The following ERAP2 variants were observed in gnomAD, a reference collection of about 807,000 sequenced individuals.
ERAP2 encodes leukocyte-derived arginine aminopeptidase.
In ERAP2, 118 loss-of-function variants were observed where a neutral mutation model predicts 111.1. The ratio of observed to expected loss-of-function variants is 1.06; its 90% CI spans 0.92 to 1.24. The LOEUF is 1.24. Ranked by LOEUF, ERAP2 falls within the 50% of genes most tolerant of loss-of-function variation. The probability of loss-of-function intolerance (pLI) is 0.00; values close to 1 mark genes in which losing one functional copy is unlikely to be tolerated. For missense variants in ERAP2, 1,131 were observed against 1,125.8 expected, an observed-to-expected ratio of 1.00 and a Z score of -0.07; for synonymous variants, 410 against 401.2, an observed-to-expected ratio of 1.02 and a Z score of -0.26.
chr5:96,901,354 C>T, intron 10 of ERAP2, 152 bp from the exon 11 acceptor site: 1 of 778,050 alleles, frequency 1.3e-6, no homozygotes, highest in East Asian at 2.5e-5. Context: ...ATCCCTAATC[C>T]AGTTGCCTGG....
At chr5:96,904,307 G>A (rs189526349) in intron 13 of ERAP2, among the ~76,000 whole-genome samples, 4 of 152,308 alleles carry the variant, frequency 2.6e-5, no homozygotes, top group Admixed American at 2.6e-4. Flanking sequence ...TGAGGACCAG[G>A]AAGTATATTG....
At chr5:96,907,688 C>A (rs1340455797) in intron 13 of ERAP2, among the ~76,000 whole-genome samples, 1 of 151,912 alleles carries the variant, frequency 6.6e-6, no homozygotes, top group African/African-American at 2.4e-5. Context: ...TCAAGACCAG[C>A]CTGGCCAACA....
chr5:96,881,388 A>G (rs1182725917), intron 2 of ERAP2: 4 of 455,546 alleles, frequency 8.8e-6, no homozygotes, highest in South Asian at 3.1e-5. Flanking sequence ...GATTGCTGAC[A>G]TATTGGTCAT....
chr5:96,915,089 C>A (rs1787223093), intron 17 of ERAP2, among the ~76,000 whole-genome samples: 1 of 151,980 alleles, frequency 6.6e-6, no homozygotes, highest in Admixed American at 6.6e-5. Flanking sequence ...CTCACTGCAA[C>A]CTCCACCTCC....
At chr5:96,897,758 C>T (rs545112370) in intron 9 of ERAP2, among the ~76,000 whole-genome samples, 3 of 152,198 alleles carry the variant, frequency 2.0e-5, no homozygotes, top group Admixed American at 2.0e-4. Flanking sequence ...TTTTATAGAA[C>T]CATTAGACCC....
chr5:96,889,710 G>A (rs1439203196), intron 5 of ERAP2, among the ~76,000 whole-genome samples: 1 of 152,056 alleles, frequency 6.6e-6, no homozygotes, highest in Non-Finnish European at 1.5e-5. Flanking sequence ...CCCTGTGGCG[G>A]ACATCAACGC....
rs1282733265 is a variant in ERAP2 at position 96,912,677 on chromosome 5, G to T, written c.2395G>T (p.Ala799Ser). Reference sequence around the variant, plus strand: ...TTTAAAGATTGTGTATTCTGTGGGTGCTCAGACAACAGCAGGATGGAATTA... The same window carrying T: ...TTTAAAGATTGTGTATTCTGTGGGTTCTCAGACAACAGCAGGATGGAATTA... ...DVLKIVYSVG[A>S]QTTAGWNYLL... Residue 799 changes from alanine (A) to serine (S), a missense_variant, in exon 16 of 19, where the codon GCT becomes TCT. Physicochemically the swap from Ala to Ser is moderately conservative, Grantham distance 99. Around this residue, in one of 3 missense-constraint regions of ERAP2, gnomAD observed 279 missense variants for 250.9 expected, o/e 1.11. Transcript: ENST00000437043. 20 of 1,610,582 alleles carry T rather than the reference G, an allele frequency of 1.2e-5. No homozygotes were observed. The highest frequency in any genetic ancestry group is 1.7e-5 in the Non-Finnish European group (20 of 1,178,870).
At chr5:96,878,660 A>G (rs1007290044) in intron 1 of ERAP2, among the ~76,000 whole-genome samples, 2 of 152,042 alleles carry the variant, frequency 1.3e-5, no homozygotes, top group African/African-American at 4.8e-5. Flanking sequence ...AGGCGCAGTG[A>G]CCCACGCCTG....
Position 96,918,445 on chromosome 5 carries a change from G to C in ERAP2, c.*840G>C, listed in dbSNP as rs1787680665. ...CAGATTATTAGAAACTAGGTGTCAGGGTTTATCAAGAAGGCCAGGAAGGCC... is the reference window on the plus strand; with the variant it reads ...CAGATTATTAGAAACTAGGTGTCAGCGTTTATCAAGAAGGCCAGGAAGGCC... On this transcript the variant is annotated 3_prime_UTR_variant, in exon 19 of 19. Transcript: ENST00000437043. The C allele has an allele frequency of 6.6e-6, 1 of 152,154 alleles. No homozygotes were observed. Among genetic ancestry groups the C allele is most frequent in the African/African-American group, 2.4e-5 (1 of 41,430 alleles). The allele number at this position is 152,154 out of a possible 1,614,324, so 9.4% of individuals were successfully genotyped here.
intron 1 of ERAP2, among the ~76,000 whole-genome samples, chr5:96,878,764 C>T (rs554671280): frequency 2.0e-5 from 3 of 152,158 alleles, no homozygotes; most frequent in Admixed American, 2.0e-4. Context: ...CCCGTCTCTA[C>T]TAAAAATACA....
chr5:96,903,341 G>T, intron 12 of ERAP2, 36 bp from the exon 13 acceptor site: 2 of 1,518,496 alleles, frequency 1.3e-6, no homozygotes, highest in South Asian at 2.5e-5. Context: ...TAAGTTTGTT[G>T]ATAATAAAAT....
Position 96,889,161 on chromosome 5 carries a change from CCTCT to C in ERAP2, c.850-23_850-20del. 1.2e-6 allele frequency: 2 copies of C among 1,612,264 alleles called. No homozygotes were observed. The highest frequency in any genetic ancestry group is 1.7e-6 in the Non-Finnish European group (2 of 1,178,492). ...ATGCCAGGGAGCTGTCATTCAAAAA[CCTCT>C]TCTGATCCACATTTCCCAGGTGTCC... On this transcript the variant is annotated intron_variant, in intron 4 of 18. Coordinates refer to ENST00000437043, the MANE Select transcript of ERAP2 (RefSeq NM_022350.5).
At chr5:96,888,661 C>T (rs1784010991) in intron 4 of ERAP2, among the ~76,000 whole-genome samples, 1 of 152,170 alleles carries the variant, frequency 6.6e-6, no homozygotes. Flanking sequence ...GAATCTAATT[C>T]TATTTTTTCT....
chr5:96,878,338 A>G (rs963677665), intron 1 of ERAP2, among the ~76,000 whole-genome samples: 1 of 152,210 alleles, frequency 6.6e-6, no homozygotes, highest in Non-Finnish European at 1.5e-5. Context: ...CCTTTACACC[A>G]GTAGCCATAA....
chr5:96,905,854 T>C (rs1786014031), intron 13 of ERAP2, among the ~76,000 whole-genome samples: 1 of 151,988 alleles, frequency 6.6e-6, no homozygotes, highest in South Asian at 2.1e-4. Flanking sequence ...CGAATAATAC[T>C]CTGTCTCAAA....
rs13167902 is a variant in ERAP2 at position 96,886,316 on chromosome 5, A to G, written c.715-339A>G. ...ATTATCTGGTATTTTACTTAAAAGC[A>G]CAGAAGTTGAATTGATGCCAGTGTT... On this transcript the variant is annotated intron_variant, in intron 3 of 18. Coordinates refer to ENST00000437043, the MANE Select transcript of ERAP2 (RefSeq NM_022350.5). Among the ~76,000 whole-genome samples the G allele has an allele frequency of 9.5e-3, 1,439 of 152,194 alleles. 45 individuals are homozygous for G. The highest frequency in any genetic ancestry group is 0.082 in the South Asian group (394 of 4,832).
Position 96,879,733 on chromosome 5 carries a change from T to C in ERAP2, c.48T>C (p.Phe16=), listed in dbSNP as rs373599076. The change falls in exon 2 of 19, where the codon TTT becomes TTC. Residue 16 remains phenylalanine (F), a synonymous_variant. Transcript: ENST00000437043. ...TTAATTCACACAGAAAACCAATGTTTAACATTCACAGAGGATTTTACTGCT... is the reference window on the plus strand; with the variant it reads ...TTAATTCACACAGAAAACCAATGTTCAACATTCACAGAGGATTTTACTGCT... The part of the protein sequence containing the change: ...AMVNSHRKPM[F]NIHRGFYCLT... 2 of 1,614,078 alleles carry C rather than the reference T, an allele frequency of 1.2e-6. No homozygotes were observed. Among genetic ancestry groups the C allele is most frequent in the African/African-American group, 1.3e-5 (1 of 74,944 alleles).
At chr5:96,911,882 G>C (rs139805597) in intron 15 of ERAP2, among the ~76,000 whole-genome samples, 1 of 109,654 alleles carries the variant, frequency 9.1e-6, no homozygotes, top group Non-Finnish European at 1.8e-5. Flanking sequence ...AAAAAAAAAA[G>C]AAAGAAAGAA....
chr5:96,909,651 C>G lies in ERAP2; in HGVS notation c.2241C>G (p.Asp747Glu). 1 of 1,614,178 alleles carries G rather than the reference C, an allele frequency of 6.2e-7. No homozygotes were observed. The highest frequency in any genetic ancestry group is 8.5e-7 in the Non-Finnish European group (1 of 1,180,022). The change falls in exon 15 of 19, where the codon GAC (aspartate) becomes GAG (glutamate). Residue 747 changes from aspartate to glutamate, a missense_variant. By Grantham distance (45) the Asp-to-Glu change is conservative (BLOSUM62 2). Transcript: ENST00000437043. The part of the protein sequence containing the change: ...QSWSDKGSVW[D>E]RMLRSALLKL... ...GGAGTGACAAGGGCTCAGTCTGGGA[C>G]AGGATGCTCCGCTCGGCTCTCTTGA...
Sources: allele counts gnomAD v4.1 joint callset (sites outside exome capture counted in the v4.1 genomes callset), GRCh38; gene constraint gnomAD v4.1.1; regional missense constraint gnomAD v4.1.1; transcripts MANE v1.5; gene names NCBI Gene and HGNC (gene_info 2026-07-23, HGNC 2026-07-21).